NKAIN3: variants seen among roughly 807,000 people sequenced by gnomAD.
NKAIN3 encodes sodium/potassium-transporting ATPase subunit beta-1-interacting protein 3.
In NKAIN3, 25 loss-of-function variants were observed where a neutral mutation model predicts 30.2. The ratio of observed to expected loss-of-function variants is 0.83; its 90% CI spans 0.60 to 1.16. NKAIN3 has a LOEUF of 1.16. Ranked by LOEUF, NKAIN3 falls within the 50% of genes most tolerant of loss-of-function variation. NKAIN3 has a pLI of 0.00. For synonymous variants in NKAIN3, 91 were observed against 89.6 expected (o/e 1.02, Z -0.09); for missense variants, 225 against 254.1 (o/e 0.89, Z 0.78).
chr8:62,735,077 C>G (rs991253418), intron 3 of NKAIN3, among the ~76,000 whole-genome samples: 8 of 152,112 alleles, frequency 5.3e-5, no homozygotes, highest in Non-Finnish European at 8.8e-5. Flanking sequence ...GACTATGTGC[C>G]TAGGTGATTA....
chr8:62,800,680 G>A (rs1290528677), intron 4 of NKAIN3, among the ~76,000 whole-genome samples: 15 of 152,232 alleles, frequency 9.9e-5, no homozygotes, highest in East Asian at 1.9e-4. Context: ...AGCTCCCAGC[G>A]TGAGTGACGC....
chr8:62,507,254 G>A (rs1807671929), intron 1 of NKAIN3, among the ~76,000 whole-genome samples: 1 of 152,146 alleles, frequency 6.6e-6, no homozygotes, highest in South Asian at 2.1e-4. Context: ...TTCCAGTCTG[G>A]AATGTGAACA....
chr8:62,497,913 C>T (rs1036939432), intron 1 of NKAIN3, among the ~76,000 whole-genome samples: 3 of 152,116 alleles, frequency 2.0e-5, no homozygotes, highest in Admixed American at 1.3e-4. Flanking sequence ...ATGGCACCTA[C>T]CTCTGAAGTG....
intron 1 of NKAIN3, among the ~76,000 whole-genome samples, chr8:62,319,039 G>A (rs373713738): frequency 6.6e-6 from 1 of 151,858 alleles, no homozygotes; most frequent in East Asian, 1.9e-4. Flanking sequence ...CAGAGATTCA[G>A]CTTCTTCCTG....
rs181096046 is a variant in NKAIN3, at chr8:62,363,766, C to T, written c.54+114639C>T. 1.8e-3 allele frequency among the ~76,000 whole-genome samples: 277 copies of T among 152,256 alleles called. 3 individuals are homozygous for T. The Middle Eastern group carries it at 0.02, about 11-fold the overall frequency. The stretch of plus-strand genomic sequence containing the variant: ...TATGTTGTTTCTGTCCAATAAGCTA[C>T]CCCTTGAGCAATCTAACATTTATCA... On this transcript the variant is annotated intron_variant, in intron 1 of 6. Coordinates refer to ENST00000623646, the MANE Select transcript of NKAIN3 (RefSeq NM_001304533.3).
intron 1 of NKAIN3, among the ~76,000 whole-genome samples, chr8:62,443,261 A>G (rs2129598349): frequency 6.6e-6 from 1 of 152,210 alleles, no homozygotes; most frequent in East Asian, 1.9e-4. Context: ...AAGTATAGAT[A>G]GACTCATAAT....
intron 4 of NKAIN3, among the ~76,000 whole-genome samples, chr8:62,783,554 G>C (rs570018875): frequency 1.3e-5 from 2 of 151,114 alleles, no homozygotes; most frequent in South Asian, 4.2e-4. Context: ...AAGTTGACCT[G>C]ACTGATACTC....
chr8:62,841,125 C>T (rs1039213044), intron 4 of NKAIN3, among the ~76,000 whole-genome samples: 29 of 151,948 alleles, frequency 1.9e-4, no homozygotes, highest in African/African-American at 7.0e-4. Flanking sequence ...TAATTAAGGA[C>T]CCTAGAATGC....
At chr8:62,859,098 G>T (rs138100302) in intron 4 of NKAIN3, among the ~76,000 whole-genome samples, 4 of 152,296 alleles carry the variant, frequency 2.6e-5, no homozygotes, top group Non-Finnish European at 5.9e-5. Context: ...CTCCTGATCC[G>T]CAGGTTGCAA....
At chr8:62,807,853 T>A (rs1378511433) in intron 4 of NKAIN3, among the ~76,000 whole-genome samples, 2 of 150,848 alleles carry the variant, frequency 1.3e-5, no homozygotes, top group Non-Finnish European at 3.0e-5. Context: ...TTTTATCAAT[T>A]TTATAAAAAT....
intron 4 of NKAIN3, among the ~76,000 whole-genome samples, chr8:62,885,410 T>A (rs2130818665): frequency 6.6e-6 from 1 of 152,306 alleles, no homozygotes; most frequent in South Asian, 2.1e-4. Context: ...AATTTGTTCT[T>A]TCCTGCTGAA....
chr8:62,669,505 T>C (rs1165600804), intron 3 of NKAIN3, among the ~76,000 whole-genome samples: 1 of 152,196 alleles, frequency 6.6e-6, no homozygotes, highest in Non-Finnish European at 1.5e-5. Context: ...CTAAATTATT[T>C]TATTCATCCA....
At chr8:62,814,668 G>A (rs1024181416) in intron 4 of NKAIN3, among the ~76,000 whole-genome samples, 42 of 152,112 alleles carry the variant, frequency 2.8e-4, no homozygotes, top group Non-Finnish European at 5.9e-5. Flanking sequence ...AAATAAAGAC[G>A]TTCTTTGAAA....
intron 1 of NKAIN3, among the ~76,000 whole-genome samples, chr8:62,517,829 A>T (rs1808041059): frequency 1.3e-5 from 2 of 152,274 alleles, no homozygotes; most frequent in African/African-American, 4.8e-5. Flanking sequence ...GAATGGTTCT[A>T]GTTCTCAATG....
intron 1 of NKAIN3, among the ~76,000 whole-genome samples, chr8:62,386,361 C>A (rs1241012174): frequency 6.6e-6 from 1 of 152,108 alleles, no homozygotes; most frequent in Non-Finnish European, 1.5e-5. Flanking sequence ...AAAATATGGT[C>A]TTTTCATAAA....
intron 1 of NKAIN3, among the ~76,000 whole-genome samples, chr8:62,328,741 C>T (rs1314035616): frequency 6.6e-6 from 1 of 152,034 alleles, no homozygotes; most frequent in Non-Finnish European, 1.5e-5. Context: ...ACTTTGTATT[C>T]ATTTCTTTAT....
chr8:62,670,214 C>A (rs566519619), intron 3 of NKAIN3, among the ~76,000 whole-genome samples: 44 of 152,168 alleles, frequency 2.9e-4, no homozygotes, highest in Admixed American at 7.9e-4. Flanking sequence ...TCTTATGAGG[C>A]CCATTTTTTA....
intron 1 of NKAIN3, among the ~76,000 whole-genome samples, chr8:62,252,730 C>T (rs1812148148): frequency 6.6e-6 from 1 of 152,260 alleles, no homozygotes; most frequent in Middle Eastern, 3.4e-3. Flanking sequence ...ATCTAGTCAT[C>T]CAAGAGCCTT....
At chr8:62,823,024 T>C (rs1818898153) in intron 4 of NKAIN3, among the ~76,000 whole-genome samples, 1 of 152,168 alleles carries the variant, frequency 6.6e-6, no homozygotes, top group Non-Finnish European at 1.5e-5. Context: ...AGATTTAAAA[T>C]GGTACATCTG....
Sources: gnomAD v4.1 joint callset for allele counts (sites outside exome capture counted in the v4.1 genomes callset) on GRCh38, gnomAD v4.1.1 for gene constraint, MANE v1.5 for transcripts, NCBI Gene and HGNC (gene_info 2026-07-23, HGNC 2026-07-21) for gene names.